Variants in PPP2R2C observed in about 807,000 individuals in gnomAD.
The protein encoded by PPP2R2C is protein phosphatase 2, regulatory subunit B, gamma.
A neutral mutation model predicts 45.3 loss-of-function variants in PPP2R2C; 10 were observed. That is an observed-to-expected ratio of 0.22 (90% CI 0.14 to 0.37). The LOEUF is 0.37. Ranked by LOEUF, PPP2R2C falls within the 10% of genes least tolerant of loss-of-function variation. PPP2R2C has a pLI of 1.00. For missense variants in PPP2R2C, 308 were observed against 619.7 expected (o/e 0.50, Z 5.34); for synonymous variants, 257 against 245.4 (o/e 1.05, Z -0.44).
intron 2 of PPP2R2C, among the ~76,000 whole-genome samples, chr4:6,514,639 T>C (rs1723776479): frequency 6.6e-6 from 1 of 152,198 alleles, no homozygotes. Flanking sequence ...GCCCAAAGAA[T>C]GTGGGATAGA....
At chr4:6,528,733 GC>G (rs1470428576) in intron 2 of PPP2R2C, among the ~76,000 whole-genome samples, 1 of 152,012 alleles carries the variant, frequency 6.6e-6, no homozygotes, top group African/African-American at 2.4e-5. Flanking sequence ...GCCTGTTCCT[GC>G]CTTAACTGAT....
chr4:6,478,887 G>C (rs1399820370), intron 2 of PPP2R2C, among the ~76,000 whole-genome samples: 1 of 152,228 alleles, frequency 6.6e-6, no homozygotes, highest in Non-Finnish European at 1.5e-5. Context: ...GCTTTGTGCA[G>C]AGGTAACAGA....
chr4:6,373,901 A>ATGTGTGTGTGTG (rs60094669), intron 4 of PPP2R2C, among the ~76,000 whole-genome samples: 3 of 146,450 alleles, frequency 2.0e-5, no homozygotes, highest in East Asian at 4.0e-4. Context: ...ATGTGCATGC[A>ATGTGTGTGTGTG]TGTGTGTGTG....
chr4:6,517,644 C>T (rs59665220), intron 2 of PPP2R2C, among the ~76,000 whole-genome samples: 9,817 of 152,250 alleles, frequency 0.064, 1,113 homozygotes, highest in African/African-American at 0.22. Flanking sequence ...TACCCTGCGG[C>T]TCTTTGGGAT....
Position 6,395,656 on chromosome 4 carries a change from G to T in PPP2R2C, c.71-14562C>A, listed in dbSNP as rs183989310. 1.7e-3 allele frequency among the ~76,000 whole-genome samples: 260 copies of T among 152,312 alleles called. 2 individuals are homozygous for T. Among genetic ancestry groups the T allele is most frequent in the South Asian group, 2.9e-3 (14 of 4,830 alleles). On this transcript the variant is annotated intron_variant, in intron 1 of 8. Coordinates refer to ENST00000382599, the MANE Select transcript of PPP2R2C (RefSeq NM_020416.4). ...TGTGAGAGCTGCTGTGGTATGCCAA[G>T]GGCGCAGACCCGCCAGTCATACAGA... is the stretch of plus-strand genomic sequence containing the variant.
chr4:6,325,012 G>A (rs114717661), intron 8 of PPP2R2C, among the ~76,000 whole-genome samples: 5 of 152,184 alleles, frequency 3.3e-5, no homozygotes, highest in Non-Finnish European at 7.3e-5. Context: ...GGGTGACACT[G>A]CTCTGTGACA....
rs896202585 is a variant in PPP2R2C at position 6,471,144 on chromosome 4, A to AC, written c.70+1015_70+1016insG. Reference sequence around the variant, plus strand: ...CACCTGCCCCGCGGGACCCGTGCCCAGGGCCCCTCCCACTGGGGCACCCAC... The same window carrying AC: ...CACCTGCCCCGCGGGACCCGTGCCCACGGGCCCCTCCCACTGGGGCACCCAC... On this transcript the variant is annotated intron_variant, in intron 1 of 8. Transcript: ENST00000382599. This position sits in a 1 kb window ranked among gnomAD's most constrained non-coding sequence, Gnocchi z 5.6. Among the ~76,000 whole-genome samples, 1 of 152,128 alleles carries AC rather than the reference A, an allele frequency of 6.6e-6. No individual in the cohort carries two copies. The highest frequency in any genetic ancestry group is 2.4e-5 in the African/African-American group (1 of 41,440).
chr4:6,355,531 AAAG>A (rs898329500), intron 5 of PPP2R2C, among the ~76,000 whole-genome samples: 12 of 151,476 alleles, frequency 7.9e-5, no homozygotes, highest in Non-Finnish European at 2.9e-5. Context: ...AAAAAAGAAA[AAAG>A]AAAGCCACAG....
At chr4:6,519,033 G>C (rs1723926921) in intron 2 of PPP2R2C, among the ~76,000 whole-genome samples, 1 of 151,830 alleles carries the variant, frequency 6.6e-6, no homozygotes, top group African/African-American at 2.4e-5. Context: ...GGCCCAGATG[G>C]GTTCACTGGT....
In PPP2R2C at chr4:6,323,292, C is replaced by A. The variant is rs773405080; in HGVS notation, c.*10G>T. 1.3e-6 allele frequency: 2 copies of A among 1,582,028 alleles called. No homozygotes were observed. Among genetic ancestry groups the A allele is most frequent in the South Asian group, 2.3e-5 (2 of 88,160 alleles). ...GAGGCTGGGTGGCAGGGGCCGGGAA[C>A]TGCACATACCTAGTGCATGTCAGAG... On this transcript the variant is annotated 3_prime_UTR_variant, in exon 9 of 9. Transcript: ENST00000382599.
At position 6,555,190 on chromosome 4, in the gene PPP2R2C, C is replaced by T. The variant is rs577503165; in HGVS notation, c.-59+8370G>A. 8.5e-5 allele frequency among the ~76,000 whole-genome samples: 13 copies of T among 152,188 alleles called. No homozygotes were observed. The South Asian group carries it at 1.4e-3, about 17-fold the overall frequency. On this transcript the variant is annotated intron_variant, in intron 1 of 9. Transcript: ENST00000506140. ...GGGCTCCACCCTCTTGACCTCTTGACCTAATCACCTCCCAAAGCCCCACCC... is the reference window on the plus strand; with the variant it reads ...GGGCTCCACCCTCTTGACCTCTTGATCTAATCACCTCCCAAAGCCCCACCC...
intron 5 of PPP2R2C, among the ~76,000 whole-genome samples, chr4:6,361,915 A>G (rs1018064021): frequency 6.6e-6 from 1 of 152,202 alleles, no homozygotes; most frequent in African/African-American, 2.4e-5. Context: ...CTCATGTCAG[A>G]GATTTATAAC....
intron 1 of PPP2R2C, among the ~76,000 whole-genome samples, chr4:6,561,720 GAT>G (rs1725583554): frequency 6.6e-6 from 1 of 152,120 alleles, no homozygotes; most frequent in East Asian, 1.9e-4. Flanking sequence ...TACATACATG[GAT>G]ACATACACAC....
intron 1 of PPP2R2C, among the ~76,000 whole-genome samples, chr4:6,557,198 G>C (rs1046413671): frequency 1.3e-5 from 2 of 152,234 alleles, no homozygotes; most frequent in African/African-American, 4.8e-5. Flanking sequence ...CTGTATTGTG[G>C]TCCTGCAGCA....
At position 6,345,445 on chromosome 4, in the gene PPP2R2C, A is replaced by G. The variant is rs1711771171; in HGVS notation, c.790+2401T>C. 6.6e-6 allele frequency among the ~76,000 whole-genome samples: 1 copy of G among 152,190 alleles called. No individual in the cohort carries two copies. The highest frequency in any genetic ancestry group is 1.5e-5 in the Non-Finnish European group (1 of 68,040). Reference sequence around the variant, plus strand: ...GGCCAAAGATGAAATCAAGGACGCAACTCAGCCAACCTTGAGATGAGGAAG... The same window carrying G: ...GGCCAAAGATGAAATCAAGGACGCAGCTCAGCCAACCTTGAGATGAGGAAG... On this transcript the variant is annotated intron_variant, in intron 6 of 8. Coordinates refer to ENST00000382599, the MANE Select transcript of PPP2R2C (RefSeq NM_020416.4). The surrounding 1 kb of genome is among the most constrained non-coding windows in gnomAD (Gnocchi z 5.3).
intron 1 of PPP2R2C, among the ~76,000 whole-genome samples, chr4:6,449,743 C>T (rs751742219): frequency 1.3e-5 from 2 of 152,250 alleles, no homozygotes; most frequent in South Asian, 4.1e-4. Flanking sequence ...AAATGGGTTC[C>T]ATCCCGCACA....
At chr4:6,395,262 G>A (rs974088962) in intron 1 of PPP2R2C, among the ~76,000 whole-genome samples, 5 of 152,138 alleles carry the variant, frequency 3.3e-5, no homozygotes, top group African/African-American at 1.2e-4. Context: ...TGGCCAGCCT[G>A]GACATTCTTC....
At position 6,329,957 on chromosome 4, in the gene PPP2R2C, A is replaced by G. The variant is rs1433490318; in HGVS notation, c.961-604T>C. 2.0e-5 allele frequency among the ~76,000 whole-genome samples: 3 copies of G among 152,130 alleles called. No individual in the cohort carries two copies. The highest frequency in any genetic ancestry group is 4.4e-5 in the Non-Finnish European group (3 of 68,010). On this transcript the variant is annotated intron_variant, in intron 7 of 8. Coordinates refer to ENST00000382599, the MANE Select transcript of PPP2R2C (RefSeq NM_020416.4). This position sits in a 1 kb window ranked among gnomAD's most constrained non-coding sequence, Gnocchi z 5.8. ...CAGGGCAGGCCTTTTGAGGGTAATG[A>G]TCTCCGAGAACACAGGGTGGCGGCC... is the stretch of plus-strand genomic sequence containing the variant.
chr4:6,389,657 C>T (rs1243151637), intron 1 of PPP2R2C, among the ~76,000 whole-genome samples: 3 of 152,154 alleles, frequency 2.0e-5, no homozygotes, highest in Non-Finnish European at 4.4e-5. Context: ...GGTGACGTGG[C>T]GTCTGTGGTT....
Sources: allele counts gnomAD v4.1 joint callset (sites outside exome capture counted in the v4.1 genomes callset), GRCh38; gene constraint gnomAD v4.1.1; non-coding constraint Gnocchi (gnomAD v3.1); transcripts MANE v1.5; gene names NCBI Gene and HGNC (gene_info 2026-07-23, HGNC 2026-07-21).